The following CYP2J2 variants were observed in gnomAD, a reference collection of about 807,000 sequenced individuals.
CYP2J2 encodes cytochrome P450 2J2.
Under a neutral mutation model 48.8 loss-of-function variants are expected in CYP2J2, and 41 were observed. That is an observed-to-expected ratio of 0.84 (90% CI 0.66 to 1.09). CYP2J2 has a LOEUF of 1.09. CYP2J2 is among the 50% of genes least tolerant of loss of function. CYP2J2 has a pLI of 0.00. For missense variants in CYP2J2, 644 were observed against 617.3 expected (o/e 1.04, Z -0.46); for synonymous variants, 221 against 227.1 (o/e 0.97, Z 0.24).
upstream of CYP2J2, among the ~76,000 whole-genome samples, chr1:59,926,978 G>C (rs1644572607): frequency 6.6e-6 from 1 of 152,238 alleles, no homozygotes; most frequent in South Asian, 2.1e-4. Flanking sequence ...TTTACTGAGA[G>C]CGCCACAGAC....
upstream of CYP2J2, among the ~76,000 whole-genome samples, chr1:59,929,862 G>T (rs1644594932): frequency 6.6e-6 from 1 of 152,154 alleles, no homozygotes; most frequent in Non-Finnish European, 1.5e-5. Flanking sequence ...AATAATAGCT[G>T]TAAAATTTCC....
At chr1:59,957,146 C>T in the CYP2J2 span, among the ~76,000 whole-genome samples, 1 of 152,006 alleles carries the variant, frequency 6.6e-6, no homozygotes, top group Non-Finnish European at 1.5e-5. Context: ...GTTTTTAAAC[C>T]ATTAAGTTTT....
chr1:59,906,222 T>C (rs1200866183), intron 6 of CYP2J2, among the ~76,000 whole-genome samples: 1 of 152,212 alleles, frequency 6.6e-6, no homozygotes, highest in Non-Finnish European at 1.5e-5. Context: ...AGTGTGACCA[T>C]ATTACTCAAT....
At chr1:59,894,398 A>G (rs1375178570) in intron 8 of CYP2J2, among the ~76,000 whole-genome samples, 4 of 152,136 alleles carry the variant, frequency 2.6e-5, no homozygotes, top group African/African-American at 9.7e-5. Flanking sequence ...TCTTATGCAC[A>G]GTGGCCCTTT....
intron 7 of CYP2J2, chr1:59,904,652 T>C: frequency 2.0e-6 from 1 of 504,192 alleles, no homozygotes; most frequent in Non-Finnish European, 3.5e-6. Flanking sequence ...AGCCAGTCTT[T>C]ATCTAAACAT....
At chr1:59,953,406 A>G in the CYP2J2 span, among the ~76,000 whole-genome samples, 1 of 152,076 alleles carries the variant, frequency 6.6e-6, no homozygotes, top group East Asian at 1.9e-4. Context: ...TCTAGAGAAA[A>G]AGAGTAAATG....
the CYP2J2 span, among the ~76,000 whole-genome samples, chr1:59,934,989 GATATAT>G: frequency 7.5e-4 from 44 of 58,404 alleles, 1 homozygote; most frequent in Admixed American, 1.3e-3. Context: ...AAGAAAATGG[GATATAT>G]ATATATATAT....
the CYP2J2 span, among the ~76,000 whole-genome samples, chr1:59,954,802 G>A: frequency 1.3e-5 from 2 of 151,844 alleles, no homozygotes; most frequent in African/African-American, 4.8e-5. Flanking sequence ...AGTGAAGCTG[G>A]GTTACATTTA....
At chr1:59,964,903 G>T in the CYP2J2 span, among the ~76,000 whole-genome samples, 1 of 152,186 alleles carries the variant, frequency 6.6e-6, no homozygotes, top group African/African-American at 2.4e-5. Context: ...GAGGAGGCAG[G>T]AGTAGTACAT....
the CYP2J2 span, among the ~76,000 whole-genome samples, chr1:59,931,862 C>T: frequency 6.6e-6 from 1 of 151,998 alleles, no homozygotes; most frequent in African/African-American, 2.4e-5. Context: ...TCTTATTTTG[C>T]AAATTTCTTA....
At position 59,901,027 on chromosome 1, in the gene CYP2J2, G is replaced by A. The variant is rs549562502; in HGVS notation, c.1268C>T (p.Pro423Leu). 3.1e-5 allele frequency: 50 copies of A among 1,614,142 alleles called. No homozygotes were observed. The highest frequency in any genetic ancestry group is 1.0e-4 in the Admixed American group (6 of 60,028). ...CTGTCCATTCTCCAGAAAATGGTCCGGATTGAATGTGTCAGGGGTGGCCCA... is the reference window on the plus strand; with the variant it reads ...CTGTCCATTCTCCAGAAAATGGTCCAGATTGAATGTGTCAGGGGTGGCCCA... ...TEWATPDTFN[P>L]DHFLENGQFK... The change falls in exon 8 of 9, where the codon CCG becomes CTG. Residue 423 changes from proline to leucine, a missense_variant. Coordinates refer to ENST00000371204, the MANE Select transcript of CYP2J2 (RefSeq NM_000775.4).
the CYP2J2 span, among the ~76,000 whole-genome samples, chr1:59,960,623 A>G: frequency 6.6e-6 from 1 of 152,220 alleles, no homozygotes; most frequent in South Asian, 2.1e-4. Flanking sequence ...CGGGTGGATC[A>G]CTTGAGGTCA....
At chr1:59,919,782 A>G (rs1261446876) in intron 1 of CYP2J2, among the ~76,000 whole-genome samples, 2 of 152,214 alleles carry the variant, frequency 1.3e-5, no homozygotes, top group Non-Finnish European at 2.9e-5. Flanking sequence ...ACTCCTTCCA[A>G]GAATAATGGT....
chr1:59,899,563 T>G (rs1644299316), intron 8 of CYP2J2, among the ~76,000 whole-genome samples: 1 of 152,214 alleles, frequency 6.6e-6, no homozygotes, highest in African/African-American at 2.4e-5. Context: ...AAGCAAACTA[T>G]CGTGCATTCC....
Position 59,916,078 on chromosome 1 carries a change from AG to A in CYP2J2, c.232del (p.Leu78PhefsTer19), listed in dbSNP as rs772387926. 1.3e-5 allele frequency: 21 copies of A among 1,609,960 alleles called. No homozygotes were observed. Among genetic ancestry groups the A allele is most frequent in the Non-Finnish European group, 1.4e-5 (16 of 1,178,720 alleles). On this transcript the variant is annotated frameshift_variant, in exon 2 of 9. Coordinates refer to ENST00000371204, the MANE Select transcript of CYP2J2 (RefSeq NM_000775.4). LOFTEE classifies it high-confidence loss of function. ...VQLFVKKYGN[L>X]FSLELGDISA... Reference sequence around the variant, plus strand: ...TATGTCACCAAGCTCCAAGCTAAAAAGGTTCCCATATTTCTTCACAAACTGA... The same window carrying A: ...TATGTCACCAAGCTCCAAGCTAAAAAGTTCCCATATTTCTTCACAAACTGA...
chr1:59,941,776 A>G, the CYP2J2 span, among the ~76,000 whole-genome samples: 1 of 136,432 alleles, frequency 7.3e-6, no homozygotes, highest in Non-Finnish European at 1.6e-5. Context: ...TAAAAAATAG[A>G]AAAACATGTA....
chr1:59,945,407 CATCT>C, the CYP2J2 span, among the ~76,000 whole-genome samples: 82,649 of 148,742 alleles, frequency 0.56, 23,705 homozygotes, highest in East Asian at 0.76. Flanking sequence ...CTCTTTCTGT[CATCT>C]ATCTATCTAT....
intron 8 of CYP2J2, among the ~76,000 whole-genome samples, chr1:59,899,046 T>A (rs1644293540): frequency 6.6e-6 from 1 of 152,178 alleles, no homozygotes; most frequent in Non-Finnish European, 1.5e-5. Context: ...GCCCAGAGGA[T>A]CCCTTTTCCT....
At chr1:59,910,275 C>T (rs368771063) in intron 4 of CYP2J2, among the ~76,000 whole-genome samples, 57 of 152,232 alleles carry the variant, frequency 3.7e-4, no homozygotes, top group African/African-American at 1.2e-3. Context: ...TCATATTTTT[C>T]AGGCACAATG....
Sources: gnomAD v4.1 joint callset for allele counts (sites outside exome capture counted in the v4.1 genomes callset) on GRCh38, gnomAD v4.1.1 for gene constraint, MANE v1.5 for transcripts, NCBI Gene and HGNC (gene_info 2026-07-23, HGNC 2026-07-21) for gene names.